Variants in TBC1D30 observed in about 807,000 individuals in gnomAD.
TBC1D30 encodes TBC1 domain family, member 30.
A neutral mutation model predicts 63.2 loss-of-function variants in TBC1D30; 31 were observed. The ratio of observed to expected loss-of-function variants is 0.49; its 90% confidence interval spans 0.37 to 0.66. The LOEUF (loss-of-function observed/expected upper bound fraction) is 0.66, where lower values mean the gene tolerates loss of function less well. TBC1D30 is among the 30% of genes least tolerant of loss of function. The pLI is 0.00. For synonymous variants in TBC1D30, 307 were observed against 361.5 expected, an observed-to-expected ratio of 0.85 and a Z score of 1.71; for missense variants, 810 against 953.6, an observed-to-expected ratio of 0.85 and a Z score of 1.98.
chr12:64,870,396 C>T (rs1030898034), intron 10 of TBC1D30, among the ~76,000 whole-genome samples: 12 of 152,044 alleles, frequency 7.9e-5, no homozygotes, highest in African/African-American at 2.4e-4. Context: ...CATGTCAGAC[C>T]CACAGTTAGG....
At chr12:64,796,462 GTAT>G (rs906877069) in intron 2 of TBC1D30, among the ~76,000 whole-genome samples, 7 of 151,976 alleles carry the variant, frequency 4.6e-5, no homozygotes, top group African/African-American at 1.2e-4. Flanking sequence ...CGTGAGAGAA[GTAT>G]TATACTATTT....
intron 4 of TBC1D30, 26 bp downstream of exon 4, chr12:64,830,528 A>C (rs1219606296): frequency 6.7e-7 from 1 of 1,503,408 alleles, no homozygotes; most frequent in Admixed American, 2.0e-5. Context: ...TTGGCCTGTC[A>C]TCCTAATATA....
Position 64,824,778 on chromosome 12 carries a change from G to T in TBC1D30, c.-102G>T, listed in dbSNP as rs1874146637. ...GCTCCCTGCTCCCACGGGCCGGTCA[G>T]CCGCAGACACTCACCCAGCTCCGCG... On this transcript the variant is annotated 5_prime_UTR_variant, in exon 1 of 12. Transcript: ENST00000539867. 2 of 1,432,616 alleles carry T rather than the reference G, an allele frequency of 1.4e-6. No individual in the cohort carries two copies. Among genetic ancestry groups the T allele is most frequent in the African/African-American group, 2.8e-5 (2 of 70,362 alleles). The allele number at this position is 1,432,616 out of a possible 1,614,324, so 88.7% of individuals were successfully genotyped here. A position where few individuals can be genotyped will look rare whatever the true frequency, so the allele number is the denominator to read the frequency against.
At chr12:64,857,067 G>A (rs1431288875) in intron 8 of TBC1D30, among the ~76,000 whole-genome samples, 1 of 152,070 alleles carries the variant, frequency 6.6e-6, no homozygotes, top group Non-Finnish European at 1.5e-5. Flanking sequence ...GACCCCAAGA[G>A]CCTGCTTGTT....
chr12:64,767,086 A>T (rs1182326114), intron 1 of TBC1D30, among the ~76,000 whole-genome samples: 1 of 152,032 alleles, frequency 6.6e-6, no homozygotes, highest in East Asian at 1.9e-4. Context: ...GCCTATATTT[A>T]AAAAAAGAAT....
intron 2 of TBC1D30, among the ~76,000 whole-genome samples, chr12:64,794,177 A>G (rs552323898): frequency 6.6e-6 from 1 of 151,988 alleles, no homozygotes; most frequent in South Asian, 2.1e-4. Context: ...TTTCCCTTTA[A>G]GAGCTTGTGG....
chr12:64,816,136 G>A (rs959430799), intron 2 of TBC1D30, among the ~76,000 whole-genome samples: 1 of 151,766 alleles, frequency 6.6e-6, no homozygotes, highest in Admixed American at 6.6e-5. Context: ...GGGTTCAAGC[G>A]ATTCCTGTGC....
chr12:64,848,978 G>A (rs1876633851), intron 8 of TBC1D30, among the ~76,000 whole-genome samples: 1 of 152,192 alleles, frequency 6.6e-6, no homozygotes, highest in South Asian at 2.1e-4. Flanking sequence ...TAACTGGTGT[G>A]AGATGGTATC....
intron 4 of TBC1D30, 103 bp from the exon 5 acceptor site, chr12:64,832,016 A>G (rs1027487905): frequency 2.6e-6 from 3 of 1,156,872 alleles, no homozygotes; most frequent in Admixed American, 3.1e-5. Flanking sequence ...AAAAAATTTT[A>G]TGTCGATGAT....
intron 6 of TBC1D30, among the ~76,000 whole-genome samples, 158 bp downstream of exon 6, chr12:64,836,816 C>CATGTTGAACAACA (rs1875405351): frequency 3.3e-5 from 5 of 152,250 alleles, no homozygotes; most frequent in Admixed American, 3.3e-4. Context: ...ACAAAACTGA[C>CATGTTGAACAACA]AACAACAAAA....
At chr12:64,794,314 C>G (rs74099677) in intron 2 of TBC1D30, among the ~76,000 whole-genome samples, 6,151 of 152,238 alleles carry the variant, frequency 0.04, 445 homozygotes, top group African/African-American at 0.14. Context: ...TTTTGTCATT[C>G]AGTTCTGGAA....
chr12:64,761,429 G>A (rs1248292847), intron 1 of TBC1D30, among the ~76,000 whole-genome samples: 1 of 152,046 alleles, frequency 6.6e-6, no homozygotes, highest in Non-Finnish European at 1.5e-5. Context: ...ATTCCCAGAT[G>A]GTTATGCATT....
intron 7 of TBC1D30, among the ~76,000 whole-genome samples, chr12:64,840,234 A>G (rs1875753521): frequency 6.6e-6 from 1 of 152,048 alleles, no homozygotes; most frequent in Admixed American, 6.6e-5. Context: ...TGTATTTCCA[A>G]CTTACTCTAT....
intron 1 of TBC1D30, among the ~76,000 whole-genome samples, chr12:64,761,107 G>T (rs907848225): frequency 1.3e-5 from 2 of 152,168 alleles, no homozygotes; most frequent in African/African-American, 4.8e-5. Context: ...AGAATACTTG[G>T]TTACAGCCTT....
At chr12:64,760,134 G>C (rs1175567010) in intron 1 of TBC1D30, among the ~76,000 whole-genome samples, 1 of 152,156 alleles carries the variant, frequency 6.6e-6, no homozygotes, top group East Asian at 1.9e-4. Flanking sequence ...GAACATGTTG[G>C]AGGATGTGCA....
rs888814087 is a variant in TBC1D30 at position 64,830,467 on chromosome 12, C to G, written c.373C>G (p.Pro125Ala). The change falls in exon 4 of 12, where the codon CCT becomes GCT. Residue 125 changes from proline (P) to alanine (A), a missense_variant. Pro to Ala is a conservative substitution (Grantham distance 27). Transcript: ENST00000539867. ...MRFTFNERSN[P>A]DDDSMGIQIV... ...CTTCACTTTCAATGAAAGGAGTAAT[C>G]CTGATGATGACTCCATGGGAATTCA... The G allele has an allele frequency of 6.5e-7, 1 of 1,535,390 alleles. No homozygotes were observed. The highest frequency in any genetic ancestry group is 1.2e-5 in the South Asian group (1 of 83,952).
upstream of TBC1D30, among the ~76,000 whole-genome samples, chr12:64,778,215 G>T (rs1444086322): frequency 6.6e-6 from 1 of 152,206 alleles, no homozygotes; most frequent in Non-Finnish European, 1.5e-5. Flanking sequence ...TCTTAGGAAA[G>T]TAGGTAATTG....
chr12:64,848,273 CT>C (rs201249768), intron 8 of TBC1D30, among the ~76,000 whole-genome samples: 154 of 148,882 alleles, frequency 1.0e-3, no homozygotes, highest in African/African-American at 3.3e-3. Context: ...CTATGTGTAT[CT>C]TTTTTTTTTC....
chr12:64,859,228 A>G (rs1054729929), intron 8 of TBC1D30, among the ~76,000 whole-genome samples: 4 of 152,124 alleles, frequency 2.6e-5, no homozygotes, highest in Non-Finnish European at 4.4e-5. Context: ...AATATACTGC[A>G]TAAGTGTGAG....
Sources: gnomAD v4.1 joint callset for allele counts (sites outside exome capture counted in the v4.1 genomes callset) on GRCh38, gnomAD v4.1.1 for gene constraint, MANE v1.5 for transcripts, NCBI Gene and HGNC (gene_info 2026-07-23, HGNC 2026-07-21) for gene names.